Variants in NAV2 observed in about 807,000 individuals in gnomAD.
NAV2 encodes neuron navigator 2, also known as helicase, APC down-regulated 1.
A neutral mutation model predicts 223.2 loss-of-function variants in NAV2; 54 were observed. The ratio of observed to expected loss-of-function variants is 0.24; its 90% CI spans 0.19 to 0.30. The LOEUF is 0.30. Ranked by LOEUF, NAV2 falls within the 10% of genes least tolerant of loss-of-function variation. NAV2 has a pLI of 1.00. For missense variants in NAV2, 2,806 were observed against 3,147.5 expected (o/e 0.89, Z 2.60); for synonymous variants, 1,279 against 1,239.3 (o/e 1.03, Z -0.67).
At chr11:19,880,230 C>T in intron 5 of NAV2, 103 bp downstream of exon 5, 2 of 1,410,510 alleles carry the variant, frequency 1.4e-6, no homozygotes, top group Non-Finnish European at 1.9e-6. Context: ...TGTGCTTCTT[C>T]AATGCTGAGA....
At chr11:19,597,559 A>G (rs2046235187) in intron 1 of NAV2, among the ~76,000 whole-genome samples, 1 of 152,256 alleles carries the variant, frequency 6.6e-6, no homozygotes, top group African/African-American at 2.4e-5. Context: ...TGAGGAGAAT[A>G]GCCATGTGGT....
chr11:19,665,734 C>T (rs1361372448), intron 1 of NAV2, among the ~76,000 whole-genome samples: 1 of 152,138 alleles, frequency 6.6e-6, no homozygotes, highest in African/African-American at 2.4e-5. Context: ...AGCAGAAAAG[C>T]ATGATTGGCT....
intron 36 of NAV2, among the ~76,000 whole-genome samples, chr11:20,113,312 T>C (rs2062793617): frequency 6.6e-6 from 1 of 152,062 alleles, no homozygotes; most frequent in Non-Finnish European, 1.5e-5. Flanking sequence ...GAAGATGTGG[T>C]GGTGTTAAAG....
chr11:19,370,757 T>TA (rs1848441521), intron 1 of NAV2, among the ~76,000 whole-genome samples: 1 of 152,190 alleles, frequency 6.6e-6, no homozygotes, highest in South Asian at 2.1e-4. Context: ...CGTGCACAGA[T>TA]ACATCATTTG....
intron 1 of NAV2, among the ~76,000 whole-genome samples, chr11:19,501,532 C>T (rs954547112): frequency 2.6e-5 from 4 of 152,036 alleles, no homozygotes; most frequent in African/African-American, 9.7e-5. Flanking sequence ...AAACACATTC[C>T]CAAAAACAGA....
intron 1 of NAV2, among the ~76,000 whole-genome samples, chr11:19,513,036 G>A (rs574405597): frequency 6.6e-6 from 1 of 152,308 alleles, no homozygotes; most frequent in South Asian, 2.1e-4. Flanking sequence ...GGCTGGGGCA[G>A]GGGCGGTGTG....
intron 19 of NAV2, chr11:20,056,706 A>G: frequency 2.2e-6 from 2 of 912,272 alleles, no homozygotes; most frequent in Non-Finnish European, 1.8e-6. Flanking sequence ...ATTGGCGGCA[A>G]TGCTCATTAA....
intron 1 of NAV2, among the ~76,000 whole-genome samples, chr11:19,362,592 G>T (rs1268206318): frequency 6.6e-6 from 1 of 152,088 alleles, no homozygotes; most frequent in Non-Finnish European, 1.5e-5. Flanking sequence ...AGTAACAATA[G>T]ATAACATCTT....
intron 1 of NAV2, among the ~76,000 whole-genome samples, chr11:19,432,445 A>G (rs549200954): frequency 6.6e-5 from 10 of 152,324 alleles, no homozygotes; most frequent in Middle Eastern, 3.4e-3. Flanking sequence ...GGAAAAGATC[A>G]TATTCTCTCC....
Position 19,896,552 on chromosome 11 carries a change from A to G in NAV2, c.931+3958A>G, listed in dbSNP as rs189376933. On this transcript the variant is annotated intron_variant, in intron 6 of 37. Coordinates refer to ENST00000349880, the MANE Select transcript of NAV2 (RefSeq NM_145117.5). ...AATGTGATAGGATATGCATAAAAAT[A>G]TGGAATAATATAAATAATGGGCATA... is the stretch of plus-strand genomic sequence containing the variant. Among the ~76,000 whole-genome samples the G allele has an allele frequency of 9.4e-4, 143 of 152,338 alleles. No individual in the cohort carries two copies. In the South Asian group the frequency reaches 0.015, roughly 16 times the overall value.
At chr11:19,443,216 T>C (rs1851466818) in intron 1 of NAV2, among the ~76,000 whole-genome samples, 1 of 152,252 alleles carries the variant, frequency 6.6e-6, no homozygotes, top group Non-Finnish European at 1.5e-5. Flanking sequence ...ATGGCCTTCA[T>C]GCCCTCTATG....
At chr11:19,604,563 C>A (rs899516481) in intron 1 of NAV2, among the ~76,000 whole-genome samples, 3 of 152,056 alleles carry the variant, frequency 2.0e-5, no homozygotes. Context: ...TGCATTAAAT[C>A]GTTGAATCTT....
intron 1 of NAV2, among the ~76,000 whole-genome samples, chr11:19,678,339 G>T (rs1237927319): frequency 2.0e-5 from 3 of 152,168 alleles, no homozygotes; most frequent in Non-Finnish European, 2.9e-5. Context: ...TAAATAACTT[G>T]CCTAGCCTAG....
At chr11:19,679,295 G>T (rs745400662) in intron 1 of NAV2, among the ~76,000 whole-genome samples, 8 of 152,128 alleles carry the variant, frequency 5.3e-5, no homozygotes, top group Admixed American at 3.3e-4. Context: ...TCTGGACGTG[G>T]TGGCACATGC....
intron 1 of NAV2, among the ~76,000 whole-genome samples, chr11:19,815,415 C>A (rs972848834): frequency 6.6e-6 from 1 of 152,168 alleles, no homozygotes; most frequent in African/African-American, 2.4e-5. Flanking sequence ...GAAGAGATTT[C>A]TTTTGAGATA....
At chr11:20,076,252 T>A (rs2059745189) in intron 22 of NAV2, among the ~76,000 whole-genome samples, 1 of 152,240 alleles carries the variant, frequency 6.6e-6, no homozygotes, top group East Asian at 1.9e-4. Context: ...TCCTGTTCCC[T>A]TCCCCTGTAC....
chr11:20,000,526 C>G (rs1050513540), intron 11 of NAV2, among the ~76,000 whole-genome samples: 1 of 152,064 alleles, frequency 6.6e-6, no homozygotes, highest in South Asian at 2.1e-4. Context: ...CTAGCTGAGG[C>G]AATTAAATGT....
chr11:19,378,554 C>A lies in NAV2; in HGVS notation c.75+27527C>A, dbSNP rs183001366. On this transcript the variant is annotated intron_variant, in intron 1 of 37. Transcript: ENST00000360655. ...CGCCTCACTATTTGTGGTGATAGGG[C>A]CGGTCGTGATAACAGCATCTCCTTC... 8.6e-5 allele frequency among the ~76,000 whole-genome samples: 13 copies of A among 151,292 alleles called. No individual in the cohort carries two copies. In the East Asian group the frequency reaches 2.4e-3, roughly 27 times the overall value.
intron 1 of NAV2, among the ~76,000 whole-genome samples, chr11:19,610,289 G>A (rs11025191): frequency 6.6e-6 from 1 of 152,182 alleles, no homozygotes; most frequent in East Asian, 1.9e-4. Flanking sequence ...GATTTGAGGA[G>A]GCTTAAAATA....
Sources: allele counts gnomAD v4.1 joint callset (sites outside exome capture counted in the v4.1 genomes callset), GRCh38; gene constraint gnomAD v4.1.1; transcripts MANE v1.5; gene names NCBI Gene and HGNC (gene_info 2026-07-23, HGNC 2026-07-21).